DENND2B: variants seen among roughly 807,000 people sequenced by gnomAD.
The protein encoded by DENND2B is DENN domain containing 2B.
DENND2B carries 32 observed loss-of-function variants against 116.0 expected under a neutral mutation model. That is an observed-to-expected ratio of 0.28 (90% CI 0.21 to 0.37). The LOEUF (loss-of-function observed/expected upper bound fraction) is 0.37, where lower values mean the gene tolerates loss of function less well. Among genes scored for constraint, DENND2B ranks in the 10% least tolerant of loss-of-function variants. DENND2B has a pLI of 1.00. For synonymous variants in DENND2B, 588 were observed against 583.9 expected (o/e 1.01, Z -0.10); for missense variants, 1,276 against 1,477.7 (o/e 0.86, Z 2.24).
chr11:8,707,260 T>C lies in DENND2B; in HGVS notation c.2431-35A>G. 6.3e-7 allele frequency: 1 copy of C among 1,593,180 alleles called. No homozygotes were observed. ...CCGCCAGCAGCCCAAAGAGGAAGGGTGTCAGGGCACTGCCCTTCCCCCTCC... is the reference window on the plus strand; with the variant it reads ...CCGCCAGCAGCCCAAAGAGGAAGGGCGTCAGGGCACTGCCCTTCCCCCTCC... On this transcript the variant is annotated intron_variant, in intron 12 of 19. Coordinates refer to ENST00000313726, the MANE Select transcript of DENND2B (RefSeq NM_213618.2). This position sits in a 1 kb window ranked among gnomAD's most constrained non-coding sequence, Gnocchi z 4.8.
intron 1 of DENND2B, among the ~76,000 whole-genome samples, chr11:8,786,627 T>C (rs1416088820): frequency 3.3e-5 from 5 of 152,136 alleles, no homozygotes; most frequent in African/African-American, 1.2e-4. Context: ...CTGGGCAACA[T>C]GGCAAGAACC....
chr11:8,873,554 A>G (rs1275317661), upstream of DENND2B, among the ~76,000 whole-genome samples: 2 of 152,220 alleles, frequency 1.3e-5, no homozygotes, highest in African/African-American at 4.8e-5. Context: ...AGAGACACTG[A>G]CATCAGAAAT....
At chr11:8,698,813 T>G (rs1244102558) in intron 16 of DENND2B, 120 bp downstream of exon 16, 2 of 1,217,278 alleles carry the variant, frequency 1.6e-6, no homozygotes, top group Admixed American at 3.5e-5. Context: ...CCTTGACTAG[T>G]CTGTGAGTAG....
At chr11:8,859,765 C>T (rs934950793) in intron 2 of DENND2B, among the ~76,000 whole-genome samples, 1 of 152,196 alleles carries the variant, frequency 6.6e-6, no homozygotes, top group African/African-American at 2.4e-5. Context: ...ACTACCCCCA[C>T]TACCCTATCA....
intron 4 of DENND2B, among the ~76,000 whole-genome samples, chr11:8,826,272 G>C (rs2061975755): frequency 6.6e-6 from 1 of 152,104 alleles, no homozygotes; most frequent in African/African-American, 2.4e-5. Flanking sequence ...CAAGGATATA[G>C]AGCAGCTCAG....
intron 3 of DENND2B, among the ~76,000 whole-genome samples, chr11:8,728,438 G>C (rs535344015): frequency 6.6e-6 from 1 of 152,210 alleles, no homozygotes; most frequent in South Asian, 2.1e-4. Context: ...CTGCACTTCT[G>C]GAACTGTTTC....
At position 8,739,759 on chromosome 11, in the gene DENND2B, C is replaced by A. The variant is rs969184910; in HGVS notation, c.81-8550G>T. Among the ~76,000 whole-genome samples, 6 of 152,142 alleles carry A rather than the reference C, an allele frequency of 3.9e-5. 1 individual carries two copies. The highest frequency in any genetic ancestry group is 7.3e-5 in the Non-Finnish European group (5 of 68,030). On this transcript the variant is annotated intron_variant, in intron 2 of 19. Coordinates refer to ENST00000313726, the MANE Select transcript of DENND2B (RefSeq NM_213618.2). The stretch of plus-strand genomic sequence containing the variant: ...AGTAAGATGAACAGATAAAAGAAAG[C>A]AGGGGAGAATGCAAAGGACATTTAA...
intron 4 of DENND2B, among the ~76,000 whole-genome samples, chr11:8,830,238 T>G (rs1429550591): frequency 6.6e-6 from 1 of 152,124 alleles, no homozygotes; most frequent in Non-Finnish European, 1.5e-5. Flanking sequence ...CACCTACCCC[T>G]CCAAGGTAGA....
At chr11:8,752,209 T>G (rs1284449317) in intron 1 of DENND2B, among the ~76,000 whole-genome samples, 1 of 152,162 alleles carries the variant, frequency 6.6e-6, no homozygotes, top group Non-Finnish European at 1.5e-5. Context: ...TCCCAGCACT[T>G]TGGGAGGCCA....
chr11:8,894,129 C>G lies in DENND2B; in HGVS notation c.-255-13020G>C, dbSNP rs1301401674. 2.0e-5 allele frequency among the ~76,000 whole-genome samples: 3 copies of G among 152,084 alleles called. 1 individual carries two copies. Among genetic ancestry groups the G allele is most frequent in the African/African-American group, 7.2e-5 (3 of 41,388 alleles). On this transcript the variant is annotated intron_variant, in intron 1 of 22. Transcript: ENST00000534127. ...ACCATCTGATCTTTGACGAACCTGA[C>G]AAAAACAAGAAATGGGGAAAGGATT...
At chr11:8,909,946 T>G (rs958360307) in intron 1 of DENND2B, 7 of 151,988 alleles carry the variant, frequency 4.6e-5, no homozygotes, top group African/African-American at 1.7e-4. Flanking sequence ...TGCGGCTGAG[T>G]CACTAATTAG....
At chr11:8,761,135 C>A (rs1439623166) in intron 1 of DENND2B, among the ~76,000 whole-genome samples, 2 of 152,204 alleles carry the variant, frequency 1.3e-5, no homozygotes, top group African/African-American at 4.8e-5. Flanking sequence ...AGGTTTAAAG[C>A]TGGGTTTACA....
At chr11:8,748,868 T>C (rs1170461563) in intron 2 of DENND2B, among the ~76,000 whole-genome samples, 1 of 152,132 alleles carries the variant, frequency 6.6e-6, no homozygotes, top group Non-Finnish European at 1.5e-5. Context: ...TCGAGTCTGC[T>C]TTGAAACTTG....
At chr11:8,794,896 G>A (rs1040664128) in intron 1 of DENND2B, 4 of 152,254 alleles carry the variant, frequency 2.6e-5, no homozygotes, top group African/African-American at 9.6e-5. Context: ...GCCAACTGTG[G>A]ACTTTGCCCT....
At chr11:8,776,139 CGT>C (rs58073534) in intron 1 of DENND2B, 15,963 of 149,024 alleles carry the variant, frequency 0.11, 940 homozygotes, top group East Asian at 0.31. Context: ...CAGACACGCA[CGT>C]GCGCGCACGC....
intron 4 of DENND2B, 36 bp downstream of exon 4, chr11:8,726,037 T>C (rs768026269): frequency 1.7e-5 from 27 of 1,612,894 alleles, no homozygotes; most frequent in South Asian, 1.5e-4. Flanking sequence ...TGCAGCCCCC[T>C]GAGATGACCC....
intron 1 of DENND2B, among the ~76,000 whole-genome samples, chr11:8,798,630 G>A (rs2060036725): frequency 6.6e-6 from 1 of 152,068 alleles, no homozygotes; most frequent in Non-Finnish European, 1.5e-5. Flanking sequence ...ATGAAAAGAA[G>A]TCTGGATATC....
At chr11:8,826,164 AAAG>A (rs1413044914) in intron 4 of DENND2B, among the ~76,000 whole-genome samples, 22 of 152,168 alleles carry the variant, frequency 1.4e-4, no homozygotes, top group African/African-American at 5.3e-4. Context: ...ACGCTCACAG[AAAG>A]AAGAGACAGC....
chr11:8,769,507 G>C (rs1195906057), intron 1 of DENND2B, among the ~76,000 whole-genome samples: 1 of 151,930 alleles, frequency 6.6e-6, no homozygotes, highest in Non-Finnish European at 1.5e-5. Context: ...TGATCCACCC[G>C]CCTCGGCCTC....
Sources: allele counts gnomAD v4.1 joint callset (sites outside exome capture counted in the v4.1 genomes callset), GRCh38; gene constraint gnomAD v4.1.1; non-coding constraint Gnocchi (gnomAD v3.1); transcripts MANE v1.5; gene names NCBI Gene and HGNC (gene_info 2026-07-23, HGNC 2026-07-21).